The following MBTD1 variants were observed in gnomAD, a reference collection of about 807,000 sequenced individuals.
MBTD1 encodes the protein MBT domain-containing protein 1.
A neutral mutation model predicts 87.8 loss-of-function variants in MBTD1; 24 were observed. The ratio of observed to expected loss-of-function variants is 0.27; its 90% CI spans 0.20 to 0.38. MBTD1 has a LOEUF of 0.38. Among genes scored for constraint, MBTD1 ranks in the 10% least tolerant of loss-of-function variants. The probability of loss-of-function intolerance (pLI) is 1.00; values close to 1 mark genes in which losing one functional copy is unlikely to be tolerated. For synonymous variants in MBTD1, 237 were observed against 248.6 expected (o/e 0.95, Z 0.44); for missense variants, 436 against 760.2 (o/e 0.57, Z 5.02).
chr17:51,250,905 CTTT>C (rs1463614883), intron 2 of MBTD1: 1 of 152,124 alleles, frequency 6.6e-6, no homozygotes, highest in Non-Finnish European at 1.5e-5. Flanking sequence ...TTCTTCAAGA[CTTT>C]TTATTAAATT....
chr17:51,227,793 T>C (rs546785035), intron 2 of MBTD1, among the ~76,000 whole-genome samples: 4 of 149,950 alleles, frequency 2.7e-5, no homozygotes, highest in Non-Finnish European at 4.5e-5. Flanking sequence ...CTACTAAAAA[T>C]ATATACAAAT....
intron 2 of MBTD1, among the ~76,000 whole-genome samples, chr17:51,234,384 A>C (rs565837834): frequency 1.6e-5 from 2 of 125,724 alleles, no homozygotes; most frequent in African/African-American, 3.4e-5. Flanking sequence ...CAGAGGAGAG[A>C]CTTTGTCCCC....
intron 3 of MBTD1, 131 bp downstream of exon 3, chr17:51,224,877 C>T (rs757570470): frequency 3.4e-5 from 17 of 502,334 alleles, no homozygotes; most frequent in East Asian, 3.4e-5. Flanking sequence ...GATCTTATCT[C>T]GAATTATAAA....
At chr17:51,209,959 G>A (rs12946936) in intron 6 of MBTD1, among the ~76,000 whole-genome samples, 59,769 of 151,970 alleles carry the variant, frequency 0.39, 13,236 homozygotes, top group East Asian at 0.6. Context: ...CTGGTAGAAA[G>A]TAGAAAAAGA....
At chr17:51,223,140 G>T (rs2053010424) in intron 3 of MBTD1, among the ~76,000 whole-genome samples, 2 of 151,930 alleles carry the variant, frequency 1.3e-5, no homozygotes, top group South Asian at 4.2e-4. Context: ...ACTAGAATAG[G>T]ACCAACAGGG....
chr17:51,226,764 T>C (rs548209370), intron 2 of MBTD1, among the ~76,000 whole-genome samples: 3 of 151,588 alleles, frequency 2.0e-5, no homozygotes, highest in South Asian at 4.2e-4. Flanking sequence ...CTCGAGTAGC[T>C]GGGACTACAG....
At chr17:51,218,051 T>C (rs190614719) in intron 5 of MBTD1, among the ~76,000 whole-genome samples, 184 of 152,316 alleles carry the variant, frequency 1.2e-3, no homozygotes, top group African/African-American at 4.3e-3. Context: ...ATTCAGTTCT[T>C]GCCATGTACC....
chr17:51,180,921 G>C lies in MBTD1; in HGVS notation c.1769-227C>G, dbSNP rs555293404. 2.6e-5 allele frequency among the ~76,000 whole-genome samples: 4 copies of C among 152,162 alleles called. No homozygotes were observed. The East Asian group carries it at 7.7e-4, about 29-fold the overall frequency. Reference sequence around the variant, plus strand: ...TCGCAGTAATGGTGCTCACTAATCTGACTGGGATAATGAGAATTTTGTTTG... The same window carrying C: ...TCGCAGTAATGGTGCTCACTAATCTCACTGGGATAATGAGAATTTTGTTTG... On this transcript the variant is annotated intron_variant, in intron 16 of 16. Transcript: ENST00000586178.
At chr17:51,240,916 C>T (rs552811162) in intron 2 of MBTD1, among the ~76,000 whole-genome samples, 1 of 152,182 alleles carries the variant, frequency 6.6e-6, no homozygotes, top group African/African-American at 2.4e-5. Flanking sequence ...CTAATTGATG[C>T]TATAATTTTC....
intron 9 of MBTD1, 59 bp downstream of exon 9, chr17:51,203,081 G>T: frequency 7.2e-7 from 1 of 1,385,342 alleles, no homozygotes; most frequent in Non-Finnish European, 1.0e-6. Context: ...CCTTAAAAAT[G>T]TTCTCTGTTA....
chr17:51,227,093 T>A (rs1352898284), intron 2 of MBTD1, among the ~76,000 whole-genome samples: 1 of 151,726 alleles, frequency 6.6e-6, no homozygotes, highest in South Asian at 2.1e-4. Context: ...ATATAAAAAA[T>A]TAGTTGGGTG....
intron 11 of MBTD1, 51 bp downstream of exon 11, chr17:51,201,971 C>A: frequency 7.8e-7 from 1 of 1,290,036 alleles, no homozygotes; most frequent in Non-Finnish European, 1.1e-6. Context: ...AAACCCACAA[C>A]CCTCTTTCAA....
intron 16 of MBTD1, chr17:51,185,513 G>A (rs918586407): frequency 6.6e-5 from 10 of 152,308 alleles, no homozygotes; most frequent in Admixed American, 1.3e-4. Context: ...ATAATAAAAT[G>A]CAGGTATTGA....
chr17:51,191,465 T>C (rs540925282), intron 16 of MBTD1: 2 of 152,032 alleles, frequency 1.3e-5, no homozygotes, highest in South Asian at 4.1e-4. Flanking sequence ...AAAAATTTGG[T>C]AAAGCTTGTT....
intron 2 of MBTD1, among the ~76,000 whole-genome samples, chr17:51,254,083 T>C (rs1420719927): frequency 6.6e-6 from 1 of 152,198 alleles, no homozygotes; most frequent in Non-Finnish European, 1.5e-5. Flanking sequence ...AATTTTCAAA[T>C]TTTTATATTT....
At chr17:51,216,892 G>T (rs2052600822) in intron 6 of MBTD1, among the ~76,000 whole-genome samples, 1 of 152,064 alleles carries the variant, frequency 6.6e-6, no homozygotes, top group Non-Finnish European at 1.5e-5. Context: ...AAAGCTAGCA[G>T]TTCAACTTAA....
At chr17:51,245,614 C>T (rs2054392133) in intron 2 of MBTD1, among the ~76,000 whole-genome samples, 1 of 151,814 alleles carries the variant, frequency 6.6e-6, no homozygotes, top group Admixed American at 6.6e-5. Context: ...CATCCTTTAT[C>T]AAAATGTCCA....
intron 6 of MBTD1, among the ~76,000 whole-genome samples, chr17:51,212,673 A>C (rs1328652232): frequency 6.6e-6 from 1 of 152,134 alleles, no homozygotes; most frequent in Non-Finnish European, 1.5e-5. Context: ...GTTTTACTTG[A>C]TTTCACATGG....
chr17:51,260,046 C>T lies in MBTD1; in HGVS notation c.-324G>A, dbSNP rs561324870. 53 of 411,952 alleles carry T rather than the reference C, an allele frequency of 1.3e-4. No homozygotes were observed. In the South Asian group the frequency reaches 2.7e-3, roughly 21 times the overall value. The allele number at this position is 411,952 out of a possible 1,614,324, so 25.5% of individuals were successfully genotyped here. A position where few individuals can be genotyped will look rare whatever the true frequency, so the allele number is the denominator to read the frequency against. On this transcript the variant is annotated 5_prime_UTR_variant, in exon 1 of 17. It removes an upstream start codon present in the reference 5' UTR. Transcript: ENST00000586178. ...TCGGGTGGCCCCAGGATATCAACAA[C>T]ATTAGCATAGCCCTCCCTCCCCAGC... is the stretch of plus-strand genomic sequence containing the variant.
Sources: gnomAD v4.1 joint callset for allele counts (sites outside exome capture counted in the v4.1 genomes callset) on GRCh38, gnomAD v4.1.1 for gene constraint, MANE v1.5 for transcripts, NCBI Gene and HGNC (gene_info 2026-07-23, HGNC 2026-07-21) for gene names.